Variants in FAAH2 observed in about 807,000 individuals in gnomAD.
The protein encoded by FAAH2 is fatty acid amide hydrolase 2.
Under a neutral mutation model 36.9 loss-of-function variants are expected in FAAH2, and 60 were observed. That is an observed-to-expected ratio of 1.63 (90% CI 1.32 to 2.02). The LOEUF (loss-of-function observed/expected upper bound fraction) is 2.02, where lower values mean the gene tolerates loss of function less well. Ranked by LOEUF, FAAH2 falls within the 30% of genes most tolerant of loss-of-function variation. The pLI is 0.00. For synonymous variants in FAAH2, 214 were observed against 143.8 expected (o/e 1.49, Z -3.49); for missense variants, 689 against 397.5 (o/e 1.73, Z -6.23).
intron 4 of FAAH2, among the ~76,000 whole-genome samples, chrX:57,334,036 A>T (rs2053477688): frequency 9.0e-6 from 1 of 110,963 alleles, no homozygotes; most frequent in Non-Finnish European, 1.9e-5. Flanking sequence ...TTGGGAGGCC[A>T]AGGCAGTTGG....
chrX:57,271,694 TAAAC>T, the FAAH2 span, among the ~76,000 whole-genome samples: 3 of 109,221 alleles, frequency 2.7e-5, no homozygotes, highest in Non-Finnish European at 3.8e-5. Context: ...AGAAGGAAAA[TAAAC>T]AAACAGAAAG....
chrX:57,356,091 T>A (rs1474856688), intron 5 of FAAH2, among the ~76,000 whole-genome samples: 2 of 111,160 alleles, frequency 1.8e-5, no homozygotes, highest in African/African-American at 3.3e-5. Context: ...TTGATTTTCA[T>A]ATTTAGGACA....
At chrX:57,228,864 G>A in the FAAH2 span, among the ~76,000 whole-genome samples, 2 of 110,916 alleles carry the variant, frequency 1.8e-5, no homozygotes, top group Non-Finnish European at 3.8e-5. Flanking sequence ...TAAATGCAAC[G>A]TCAGAAGCAA....
chrX:57,446,146 C>T (rs1317167689), intron 8 of FAAH2, among the ~76,000 whole-genome samples: 1 of 112,454 alleles, frequency 8.9e-6, no homozygotes, highest in African/African-American at 3.2e-5. Flanking sequence ...ACTCACCATC[C>T]TGTAAGCAAA....
intron 7 of FAAH2, chrX:57,394,528 C>T (rs1731102989): frequency 8.3e-7 from 1 of 1,206,466 alleles, no homozygotes; most frequent in South Asian, 1.8e-5. Context: ...GGTTGTTATA[C>T]TGAATCATCC....
intron 7 of FAAH2, among the ~76,000 whole-genome samples, chrX:57,399,636 C>G (rs955233267): frequency 1.8e-5 from 2 of 111,403 alleles, no homozygotes; most frequent in Non-Finnish European, 3.8e-5. Context: ...TTCTGATGAC[C>G]CCAGTAGTGT....
the FAAH2 span, among the ~76,000 whole-genome samples, chrX:57,233,146 G>A: frequency 1.8e-5 from 2 of 111,429 alleles, no homozygotes; most frequent in Admixed American, 1.9e-4. Context: ...GCTAGCCAGG[G>A]GCTTTTTCTT....
chrX:57,300,463 A>T (rs1389898992), intron 2 of FAAH2, among the ~76,000 whole-genome samples: 1 of 112,227 alleles, frequency 8.9e-6, no homozygotes, highest in Admixed American at 9.4e-5. Context: ...TTAATTCAAG[A>T]TGGATTAAAG....
At chrX:57,231,256 A>C in the FAAH2 span, among the ~76,000 whole-genome samples, 1 of 111,012 alleles carries the variant, frequency 9.0e-6, no homozygotes, top group African/African-American at 3.3e-5. Context: ...CAAGATCAAA[A>C]CTACCCACTC....
chrX:57,264,026 C>T, the FAAH2 span, among the ~76,000 whole-genome samples: 2 of 111,931 alleles, frequency 1.8e-5, no homozygotes, highest in African/African-American at 6.5e-5. Context: ...ACTAAACATA[C>T]TTAAACATAC....
intron 2 of FAAH2, among the ~76,000 whole-genome samples, chrX:57,299,837 A>G (rs1433116371): frequency 8.1e-5 from 9 of 111,652 alleles, no homozygotes; most frequent in East Asian, 2.8e-4. Context: ...GCCAAATCAT[A>G]AGTGAACTCC....
intron 7 of FAAH2, chrX:57,394,036 C>T (rs2055231838): frequency 1.3e-6 from 1 of 760,907 alleles, no homozygotes; most frequent in Non-Finnish European, 2.1e-6. Context: ...CCTTGTCTGT[C>T]TGGGTCAGTT....
chrX:57,308,571 A>T (rs769168519), intron 2 of FAAH2, among the ~76,000 whole-genome samples: 1 of 111,603 alleles, frequency 9.0e-6, no homozygotes, highest in African/African-American at 3.2e-5. Flanking sequence ...ATTTTCTCCT[A>T]TTCTGTAGGT....
intron 3 of FAAH2, among the ~76,000 whole-genome samples, chrX:57,315,913 A>G (rs891532535): frequency 9.0e-6 from 1 of 111,516 alleles, no homozygotes; most frequent in East Asian, 2.8e-4. Flanking sequence ...TAGCCAGAGC[A>G]GTCAGGCAAG....
Position 57,355,849 on chromosome X carries a change from T to G in FAAH2, c.742+14459T>G, listed in dbSNP as rs770727830. On this transcript the variant is annotated intron_variant, in intron 5 of 10. Coordinates refer to ENST00000374900, the MANE Select transcript of FAAH2 (RefSeq NM_174912.4). Reference sequence around the variant, plus strand: ...TGGATAGATGGGGCAAGAATAGTCATTCCTTCTTTGTTCTTCATTTTAGAT... The same window carrying G: ...TGGATAGATGGGGCAAGAATAGTCAGTCCTTCTTTGTTCTTCATTTTAGAT... 2.7e-5 allele frequency among the ~76,000 whole-genome samples: 3 copies of G among 111,486 alleles called. No individual in the cohort carries two copies. The South Asian group carries it at 1.1e-3, about 41-fold the overall frequency.
chrX:57,463,905 A>C (rs929664617), intron 10 of FAAH2, among the ~76,000 whole-genome samples: 2 of 112,094 alleles, frequency 1.8e-5, no homozygotes, highest in African/African-American at 6.5e-5. Flanking sequence ...AGTACAGGGA[A>C]TATACCCAAA....
At chrX:57,394,129 A>G (rs5914097) in intron 7 of FAAH2, 210,839 of 706,788 alleles carry the variant, frequency 0.3, 24,560 homozygotes, top group Middle Eastern at 0.59. Context: ...TGAGGTGAAG[A>G]TTAAACTCTT....
rs952959696 is a variant in FAAH2, at chrX:57,447,057, T to G, written c.1228+18T>G. 4.6e-6 allele frequency: 5 copies of G among 1,087,532 alleles called. No homozygotes were observed. The highest frequency in any genetic ancestry group is 6.2e-6 in the Non-Finnish European group (5 of 803,522). The allele number at this position is 1,087,532 out of a possible 1,213,427, so 89.6% of individuals were successfully genotyped here. A position where few individuals can be genotyped will look rare whatever the true frequency, so the allele number is the denominator to read the frequency against. On this transcript the variant is annotated intron_variant, in intron 9 of 10. Coordinates refer to ENST00000374900, the MANE Select transcript of FAAH2 (RefSeq NM_174912.4). ...TTCCATTGGTATGTAAATCATATTC[T>G]ACCTAGACCAGTTTGATGTCCTGTA...
chrX:57,450,423 C>T (rs1004990077), intron 10 of FAAH2, among the ~76,000 whole-genome samples: 3 of 111,331 alleles, frequency 2.7e-5, no homozygotes, highest in Non-Finnish European at 3.8e-5. Context: ...AGGGTCAGGA[C>T]TGAAATTCAG....
Sources: gnomAD v4.1 joint callset for allele counts (sites outside exome capture counted in the v4.1 genomes callset) on GRCh38, gnomAD v4.1.1 for gene constraint, MANE v1.5 for transcripts, NCBI Gene and HGNC (gene_info 2026-07-23, HGNC 2026-07-21) for gene names.